Variants in TMOD2 observed in about 807,000 individuals in gnomAD.
TMOD2 encodes tropomodulin-2.
TMOD2 carries 22 observed loss-of-function variants against 39.9 expected under a neutral mutation model. That is an observed-to-expected ratio of 0.55 (90% confidence interval 0.39 to 0.79). The LOEUF is 0.79. Ranked by LOEUF, TMOD2 falls within the 30% of genes least tolerant of loss-of-function variation. The pLI, the probability that TMOD2 is intolerant of heterozygous loss-of-function variation, is 0.00. For missense variants in TMOD2, 386 were observed against 413.3 expected (o/e 0.93, Z 0.57); for synonymous variants, 123 against 146.1 (o/e 0.84, Z 1.14).
rs759643064 is a variant in TMOD2 at position 51,782,829 on chromosome 15, G to A, written c.732+1G>A. On this transcript the variant is annotated splice_donor_variant, in intron 7 of 9. Coordinates refer to ENST00000249700, the MANE Select transcript of TMOD2 (RefSeq NM_014548.4). LOFTEE classifies it high-confidence loss of function. The stretch of plus-strand genomic sequence containing the variant: ...TCGCAGCAATGACCCTGTGGCCATT[G>A]TGAGTAAAATTCTTAGAAATATAAC... The A allele has an allele frequency of 3.7e-6, 6 of 1,612,124 alleles. No homozygotes were observed. In the Admixed American group the frequency reaches 8.4e-5, roughly 22 times the overall value.
intron 7 of TMOD2, chr15:51,784,790 T>C: frequency 6.6e-6 from 1 of 152,212 alleles, no homozygotes; most frequent in African/African-American, 2.4e-5. Flanking sequence ...ATTCACAATA[T>C]ACTTTGTATG....
At chr15:51,754,258 G>A (rs188585868) in intron 1 of TMOD2, among the ~76,000 whole-genome samples, 1 of 152,230 alleles carries the variant, frequency 6.6e-6, no homozygotes, top group Non-Finnish European at 1.5e-5. Flanking sequence ...GTGTAAGGAA[G>A]TTTGAGAACA....
At chr15:51,770,235 G>A (rs923319854) in intron 3 of TMOD2, among the ~76,000 whole-genome samples, 1 of 152,066 alleles carries the variant, frequency 6.6e-6, no homozygotes, top group Admixed American at 6.6e-5. Flanking sequence ...GTCTTCTCAT[G>A]TACTCTTCCT....
chr15:51,813,078 C>T lies in TMOD2; in HGVS notation c.*4624C>T, dbSNP rs1483459415. 6.6e-6 allele frequency: 1 copy of T among 152,208 alleles called. No individual in the cohort carries two copies. Among genetic ancestry groups the T allele is most frequent in the Non-Finnish European group, 1.5e-5 (1 of 68,042 alleles). 9.4% of individuals were successfully genotyped at this position (152,208 alleles called of 1,614,324 possible). A position where few individuals can be genotyped will look rare whatever the true frequency, so the allele number is the denominator to read the frequency against. On this transcript the variant is annotated 3_prime_UTR_variant, in exon 10 of 10. Coordinates refer to ENST00000249700, the MANE Select transcript of TMOD2 (RefSeq NM_014548.4). ...CCAAGAACTTCAGGGATATTATTCA[C>T]TGCTTTATTGCTCCCTAACCCTAGA...
chr15:51,806,008 T>TA lies in TMOD2; in HGVS notation c.877-369_877-368insA, dbSNP rs2056119237. On this transcript the variant is annotated intron_variant, in intron 8 of 9. Transcript: ENST00000249700. ...ATTGGATTGGCTGCTACAAAATAGT[T>TA]TCATTATTTTTAAAACACCCTTTGT... Among the ~76,000 whole-genome samples the TA allele has an allele frequency of 2.6e-5, 4 of 152,266 alleles. No individual in the cohort carries two copies. The South Asian group carries it at 8.3e-4, about 32-fold the overall frequency.
In TMOD2 at chr15:51,810,433, C is replaced by T. The variant is rs1427261691; in HGVS notation, c.*1979C>T. The T allele has an allele frequency of 6.6e-6, 1 of 152,066 alleles. No individual in the cohort carries two copies. The highest frequency in any genetic ancestry group is 1.5e-5 in the Non-Finnish European group (1 of 68,010). 9.4% of individuals were successfully genotyped at this position (152,066 alleles called of 1,614,324 possible). Reference sequence around the variant, plus strand: ...TATTACCAAACAGTATGCTACTGAACGTATCCTCTCAACTCCATGTTCACT... The same window carrying T: ...TATTACCAAACAGTATGCTACTGAATGTATCCTCTCAACTCCATGTTCACT... On this transcript the variant is annotated 3_prime_UTR_variant, in exon 10 of 10. Coordinates refer to ENST00000249700, the MANE Select transcript of TMOD2 (RefSeq NM_014548.4).
chr15:51,765,429 AT>A (rs1285100308), intron 1 of TMOD2, among the ~76,000 whole-genome samples: 2 of 152,176 alleles, frequency 1.3e-5, no homozygotes, highest in Admixed American at 1.3e-4. Flanking sequence ...TTATCTTTGT[AT>A]TTCTGTTTGC....
At chr15:51,753,750 C>G (rs2055723150) in intron 1 of TMOD2, among the ~76,000 whole-genome samples, 1 of 148,056 alleles carries the variant, frequency 6.8e-6, no homozygotes, top group Non-Finnish European at 1.5e-5. Context: ...CAACTTTCAG[C>G]TGTGTCAGAA....
At chr15:51,769,284 A>C (rs186771451) in intron 3 of TMOD2, among the ~76,000 whole-genome samples, 204 of 152,298 alleles carry the variant, frequency 1.3e-3, no homozygotes, top group Non-Finnish European at 2.5e-4. Context: ...TGCTTTACCA[A>C]CTTCAGAAGT....
At position 51,813,815 on chromosome 15, in the gene TMOD2, CTA is replaced by C. The variant is rs997117053; in HGVS notation, c.*5366_*5367del. 6.6e-6 allele frequency: 1 copy of C among 152,206 alleles called. No individual in the cohort carries two copies. The highest frequency in any genetic ancestry group is 2.4e-5 in the African/African-American group (1 of 41,456). The allele number at this position is 152,206 out of a possible 1,614,324, so 9.4% of individuals were successfully genotyped here. ...ATAATCAGATAACTGGATAAAAACA[CTA>C]TATAAACTGGAAAGCGCCGTACAAA... On this transcript the variant is annotated 3_prime_UTR_variant, in exon 10 of 10. Transcript: ENST00000249700.
chr15:51,813,456 A>T lies in TMOD2; in HGVS notation c.*5002A>T, dbSNP rs1184169980. On this transcript the variant is annotated 3_prime_UTR_variant, in exon 10 of 10. Coordinates refer to ENST00000249700, the MANE Select transcript of TMOD2 (RefSeq NM_014548.4). ...AGTTAACTAACTAGATGTTCTTCTG[A>T]TCTCTTCCATGGTAGACATTCTGAG... 1 of 152,186 alleles carries T rather than the reference A, an allele frequency of 6.6e-6. No individual in the cohort carries two copies. The highest frequency in any genetic ancestry group is 1.5e-5 in the Non-Finnish European group (1 of 68,032). 9.4% of individuals were successfully genotyped at this position (152,186 alleles called of 1,614,324 possible).
rs1212777214 is a variant in TMOD2 at position 51,768,321 on chromosome 15, C to T, written c.186C>T (p.Gly62=). 7 of 1,614,068 alleles carry T rather than the reference C, an allele frequency of 4.3e-6. No homozygotes were observed. The highest frequency in any genetic ancestry group is 1.7e-5 in the Admixed American group (1 of 60,000). ...ACCAGACACAGAAGGCAGCCACCGGCCCCTTTGACCGCGAGCACCTCCTCA... is the reference window on the plus strand; with the variant it reads ...ACCAGACACAGAAGGCAGCCACCGGTCCCTTTGACCGCGAGCACCTCCTCA... ...QKDQTQKAAT[G]PFDREHLLMY... The change falls in exon 3 of 10, where the codon GGC becomes GGT. Residue 62 remains glycine, a synonymous_variant. Coordinates refer to ENST00000249700, the MANE Select transcript of TMOD2 (RefSeq NM_014548.4).
chr15:51,765,461 A>G (rs1462003989), intron 1 of TMOD2, among the ~76,000 whole-genome samples: 5 of 152,218 alleles, frequency 3.3e-5, no homozygotes, highest in Non-Finnish European at 5.9e-5. Flanking sequence ...CCTGGCAAAT[A>G]GTAGGTATAT....
chr15:51,754,535 A>G (rs2055729309), intron 1 of TMOD2, among the ~76,000 whole-genome samples: 1 of 152,216 alleles, frequency 6.6e-6, no homozygotes, highest in Non-Finnish European at 1.5e-5. Flanking sequence ...CTGCAAAGAT[A>G]TTTTTGCTTT....
At chr15:51,789,316 T>C (rs1013610026) in intron 7 of TMOD2, among the ~76,000 whole-genome samples, 2 of 152,216 alleles carry the variant, frequency 1.3e-5, no homozygotes, top group Non-Finnish European at 2.9e-5. Context: ...CTAACTATGC[T>C]AAATATATAT....
At chr15:51,798,481 C>T (rs890270085) in intron 8 of TMOD2, 141 bp downstream of exon 8, 34 of 1,042,508 alleles carry the variant, frequency 3.3e-5, no homozygotes, top group Non-Finnish European at 8.3e-6. Context: ...GTTTTAGAAC[C>T]ATTTCTGGCC....
In TMOD2 at chr15:51,766,387, A is replaced by C; in HGVS notation, c.-55A>C. On this transcript the variant is annotated 5_prime_UTR_variant, in exon 2 of 10. Transcript: ENST00000249700. ...TTTATTAACAGTATTCTGAAGTCTC[A>C]GGAAACTGGACCATTTAAATGTGCA... 2 of 1,537,618 alleles carry C rather than the reference A, an allele frequency of 1.3e-6. No individual in the cohort carries two copies. The highest frequency in any genetic ancestry group is 2.4e-5 in the South Asian group (2 of 82,114).
chr15:51,775,514 G>A (rs553630315), intron 4 of TMOD2, among the ~76,000 whole-genome samples: 4 of 151,382 alleles, frequency 2.6e-5, no homozygotes, highest in South Asian at 2.1e-4. Context: ...TATCAAATGG[G>A]ACACCTTCTC....
intron 7 of TMOD2, among the ~76,000 whole-genome samples, chr15:51,795,270 A>T (rs2056039855): frequency 3.3e-5 from 5 of 149,428 alleles, no homozygotes; most frequent in Admixed American, 2.0e-4. Context: ...CAAGTATATA[A>T]AAAAAATTAG....
Sources: allele counts gnomAD v4.1 joint callset (sites outside exome capture counted in the v4.1 genomes callset), GRCh38; gene constraint gnomAD v4.1.1; transcripts MANE v1.5; gene names NCBI Gene and HGNC (gene_info 2026-07-23, HGNC 2026-07-21).